ANK3: variants seen among roughly 807,000 people sequenced by gnomAD.
ANK3 encodes the protein ankyrin-3.
In ANK3, 57 loss-of-function variants were observed where a neutral mutation model predicts 370.9. That is an observed-to-expected ratio of 0.15 (90% CI 0.12 to 0.19). ANK3 has a LOEUF of 0.19. ANK3 is among the 10% of genes least tolerant of loss of function. ANK3 has a pLI of 1.00. For synonymous variants in ANK3, 1,929 were observed against 1,946.3 expected, an observed-to-expected ratio of 0.99 and a Z score of 0.23; for missense variants, 4,439 against 5,302.1, an observed-to-expected ratio of 0.84 and a Z score of 5.06.
intron 1 of ANK3, among the ~76,000 whole-genome samples, chr10:60,684,107 G>A (rs1266821989): frequency 2.0e-5 from 3 of 152,190 alleles, no homozygotes; most frequent in Non-Finnish European, 4.4e-5. Flanking sequence ...GGTGATCATG[G>A]ATGAAGCAAG....
intron 2 of ANK3, among the ~76,000 whole-genome samples, chr10:60,503,453 C>T (rs138536490): frequency 1.1e-3 from 162 of 152,212 alleles, no homozygotes; most frequent in African/African-American, 3.8e-3. Flanking sequence ...ATTATTAATA[C>T]CATTTTACAG....
At chr10:60,173,345 C>T (rs2095844830) in intron 18 of ANK3, among the ~76,000 whole-genome samples, 159 bp from the exon 19 acceptor site, 1 of 152,110 alleles carries the variant, frequency 6.6e-6, no homozygotes, top group Non-Finnish European at 1.5e-5. Flanking sequence ...TGATAATTCT[C>T]AGCATAAGAC....
intron 1 of ANK3, among the ~76,000 whole-genome samples, chr10:60,730,483 A>G (rs1414234014): frequency 6.6e-6 from 1 of 152,208 alleles, no homozygotes; most frequent in African/African-American, 2.4e-5. Context: ...ATTATAACTA[A>G]TAACAGCTGA....
intron 2 of ANK3, among the ~76,000 whole-genome samples, chr10:60,430,891 G>A (rs758047201): frequency 5.9e-5 from 9 of 152,114 alleles, no homozygotes; most frequent in Non-Finnish European, 1.3e-4. Context: ...CTGAGACTTA[G>A]CCTCTTCATC....
intron 1 of ANK3, among the ~76,000 whole-genome samples, chr10:60,334,776 T>A (rs1236400268): frequency 6.6e-6 from 1 of 152,192 alleles, no homozygotes; most frequent in Non-Finnish European, 1.5e-5. Context: ...TTATTATAAC[T>A]TAGCATCTTA....
At position 60,213,468 on chromosome 10, in the gene ANK3, C is replaced by T. The variant is rs4635033; in HGVS notation, c.940G>A (p.Glu314Lys). ...PLHCGARSGH[E>K]QVVEMLLDRA... ...TCAAGCAACATTTCTACCACCTGCT[C>T]GTGGCCACTCCTTGCTCCACAGTGC... is the stretch of plus-strand genomic sequence containing the variant. The change falls in exon 9 of 44, where the codon GAG (glutamate) becomes AAG (lysine). Residue 314 changes from glutamate to lysine, a missense_variant. By Grantham distance (56) the Glu-to-Lys change is moderately conservative (BLOSUM62 1). Transcript: ENST00000280772. The T allele has an allele frequency of 1.2e-6, 2 of 1,612,656 alleles. No individual in the cohort carries two copies.
At chr10:60,696,743 G>A (rs2133411667) in intron 1 of ANK3, among the ~76,000 whole-genome samples, 1 of 147,916 alleles carries the variant, frequency 6.8e-6, no homozygotes, top group South Asian at 2.2e-4. Flanking sequence ...GGTATTGATG[G>A]GACGTATTTC....
chr10:60,180,612 A>C (rs959292099), intron 18 of ANK3, among the ~76,000 whole-genome samples: 3 of 128,724 alleles, frequency 2.3e-5, no homozygotes, highest in South Asian at 2.4e-4. Flanking sequence ...AAAAAAAAAA[A>C]ACCAAAAAAA....
At chr10:60,321,200 G>T (rs1189567762) in intron 1 of ANK3, among the ~76,000 whole-genome samples, 1 of 151,942 alleles carries the variant, frequency 6.6e-6, no homozygotes, top group Non-Finnish European at 1.5e-5. Flanking sequence ...GACCAGCCTG[G>T]CAGCATGAGA....
intron 2 of ANK3, among the ~76,000 whole-genome samples, chr10:60,537,153 C>A (rs774623754): frequency 2.0e-5 from 3 of 151,946 alleles, no homozygotes; most frequent in Non-Finnish European, 4.4e-5. Context: ...ATTCCACATT[C>A]AATTAAACAA....
chr10:60,439,200 C>T (rs1293876996), intron 2 of ANK3, among the ~76,000 whole-genome samples: 2 of 152,082 alleles, frequency 1.3e-5, no homozygotes, highest in African/African-American at 4.8e-5. Flanking sequence ...GAGACCTTAG[C>T]CACTGAGTAA....
At chr10:60,434,919 C>CT (rs1430208666) in intron 2 of ANK3, among the ~76,000 whole-genome samples, 2 of 152,116 alleles carry the variant, frequency 1.3e-5, no homozygotes, top group Non-Finnish European at 2.9e-5. Context: ...AGTATGCTCA[C>CT]TTTTTTTCAA....
At chr10:60,571,022 G>A (rs1374620953) in intron 2 of ANK3, among the ~76,000 whole-genome samples, 2 of 150,284 alleles carry the variant, frequency 1.3e-5, no homozygotes, top group Non-Finnish European at 2.9e-5. Context: ...GACACTTAAA[G>A]CCATATCTTA....
chr10:60,219,226 T>C (rs2096998531), intron 8 of ANK3, among the ~76,000 whole-genome samples: 1 of 152,076 alleles, frequency 6.6e-6, no homozygotes, highest in Non-Finnish European at 1.5e-5. Flanking sequence ...GTTTAGAACA[T>C]GCTCCTTTAG....
At chr10:60,670,687 C>A (rs1407368620) in intron 1 of ANK3, among the ~76,000 whole-genome samples, 1 of 152,134 alleles carries the variant, frequency 6.6e-6, no homozygotes, top group African/African-American at 2.4e-5. Flanking sequence ...TACCCCCACA[C>A]CCAGTTTCCC....
chr10:60,256,570 C>T (rs148441744), intron 7 of ANK3, among the ~76,000 whole-genome samples: 88 of 152,232 alleles, frequency 5.8e-4, no homozygotes, highest in Admixed American at 1.5e-3. Context: ...GTTTGGTGTA[C>T]GAAAGATCTC....
chr10:60,195,300 C>T (rs553476006), intron 16 of ANK3, among the ~76,000 whole-genome samples: 8 of 150,348 alleles, frequency 5.3e-5, no homozygotes, highest in South Asian at 2.1e-4. Context: ...AGGAGAATGG[C>T]GTGAACCCCG....
chr10:60,191,237 G>C (rs1369290043), intron 16 of ANK3, among the ~76,000 whole-genome samples: 1 of 151,986 alleles, frequency 6.6e-6, no homozygotes, highest in Non-Finnish European at 1.5e-5. Flanking sequence ...AGACAAATGG[G>C]ACTTAAGTAA....
At chr10:60,312,004 G>A (rs1593505033) in intron 1 of ANK3, among the ~76,000 whole-genome samples, 1 of 152,294 alleles carries the variant, frequency 6.6e-6, no homozygotes, top group East Asian at 1.9e-4. Context: ...CTTGTGAACA[G>A]TACCAGGAAC....
Sources: allele counts gnomAD v4.1 joint callset (sites outside exome capture counted in the v4.1 genomes callset), GRCh38; gene constraint gnomAD v4.1.1; transcripts MANE v1.5; gene names NCBI Gene and HGNC (gene_info 2026-07-23, HGNC 2026-07-21).